PHKB: variants seen among roughly 807,000 people sequenced by gnomAD.
PHKB encodes phosphorylase kinase regulatory subunit beta, also known as phosphorylase b kinase regulatory subunit beta.
Under a neutral mutation model 152.1 loss-of-function variants are expected in PHKB, and 122 were observed. The ratio of observed to expected loss-of-function variants is 0.80; its 90% CI spans 0.69 to 0.93. PHKB has a LOEUF of 0.93. Ranked by LOEUF, PHKB falls within the 40% of genes least tolerant of loss-of-function variation. The pLI is 0.00. For missense variants in PHKB, 1,304 were observed against 1,328.4 expected (o/e 0.98, Z 0.29); for synonymous variants, 436 against 464.9 (o/e 0.94, Z 0.80).
At chr16:47,683,357 C>A (rs1190989858) in intron 26 of PHKB, among the ~76,000 whole-genome samples, 15 of 152,236 alleles carry the variant, frequency 9.9e-5, no homozygotes, top group Admixed American at 3.3e-4. Flanking sequence ...GCCTTGCCCC[C>A]AGAGGTGGAG....
Position 47,696,455 on chromosome 16 carries a change from T to C in PHKB, c.2970T>C (p.Ile990=). 6.2e-7 allele frequency: 1 copy of C among 1,604,816 alleles called. No individual in the cohort carries two copies. ...TTGTTGAAGACACGTTGGGAAATAT[T>C]GACCAGCCACAGTACAGACAGATCG... ...SLLVEDTLGN[I]DQPQYRQIVV... The change falls in exon 29 of 31, where the codon ATT becomes ATC. Residue 990 remains isoleucine, a synonymous_variant. Coordinates refer to ENST00000323584, the MANE Select transcript of PHKB (RefSeq NM_000293.3).
Position 47,641,219 on chromosome 16 carries a change from A to G in PHKB, c.1514+129A>G. The G allele has an allele frequency of 4.0e-6, 3 of 755,234 alleles. No homozygotes were observed. In the South Asian group the frequency reaches 4.4e-5, roughly 11 times the overall value. 46.8% of individuals were successfully genotyped at this position (755,234 alleles called of 1,614,324 possible). A position where few individuals can be genotyped will look rare whatever the true frequency, so the allele number is the denominator to read the frequency against. On this transcript the variant is annotated intron_variant, in intron 15 of 30. Coordinates refer to ENST00000323584, the MANE Select transcript of PHKB (RefSeq NM_000293.3). ...TCAGAAACTCCTTTACAGGCTTTCA[A>G]GGATATCATTAATATCACTTTAAAT...
chr16:47,625,378 A>G (rs1283327132), intron 14 of PHKB, among the ~76,000 whole-genome samples: 1 of 152,160 alleles, frequency 6.6e-6, no homozygotes, highest in African/African-American at 2.4e-5. Flanking sequence ...TTTTCATTCC[A>G]CTTAGATGAA....
chr16:47,577,317 ATCT>A (rs756309169), intron 7 of PHKB, among the ~76,000 whole-genome samples: 1 of 152,134 alleles, frequency 6.6e-6, no homozygotes, highest in Non-Finnish European at 1.5e-5. Flanking sequence ...TATAATAGTT[ATCT>A]TAAATATTTC....
At chr16:47,578,222 T>C (rs1971781847) in intron 7 of PHKB, among the ~76,000 whole-genome samples, 2 of 152,230 alleles carry the variant, frequency 1.3e-5, no homozygotes, top group East Asian at 1.9e-4. Context: ...GTTTCAAGCA[T>C]GTTCGTAATT....
rs1597191201 is a variant in PHKB at position 47,698,577 on chromosome 16, A to G, written c.3133A>G (p.Ile1045Val). ...AAAAGATCAGAGTCGGCTAAAGGAA[A>G]TTGAAAAACAAGTAAGTACACAGCT... ...FQKDQSRLKE[I>V]EKQDDMTSFY... is the part of the protein sequence containing the mutation. Residue 1045 changes from isoleucine (I) to valine (V), a missense_variant, in exon 30 of 31, where the codon ATT (isoleucine) becomes GTT (valine). Coordinates refer to ENST00000323584, the MANE Select transcript of PHKB (RefSeq NM_000293.3). 5 of 1,494,596 alleles carry G rather than the reference A, an allele frequency of 3.3e-6. No homozygotes were observed. In the East Asian group the frequency reaches 1.2e-4, roughly 36 times the overall value. The allele number at this position is 1,494,596 out of a possible 1,614,324, so 92.6% of individuals were successfully genotyped here. A position where few individuals can be genotyped will look rare whatever the true frequency, so the allele number is the denominator to read the frequency against.
chr16:47,661,573 A>G (rs1973444676), intron 22 of PHKB, 146 bp from the exon 23 acceptor site: 8 of 689,454 alleles, frequency 1.2e-5, no homozygotes, highest in African/African-American at 3.5e-5. Context: ...CTTATGCTTG[A>G]TATTATATCA....
chr16:47,642,981 G>T (rs1445164907), intron 16 of PHKB, among the ~76,000 whole-genome samples: 1 of 152,134 alleles, frequency 6.6e-6, no homozygotes, highest in Admixed American at 6.6e-5. Flanking sequence ...GCAGGCTGTC[G>T]GCTGCTAATA....
intron 25 of PHKB, among the ~76,000 whole-genome samples, chr16:47,668,739 G>A (rs1166917159): frequency 6.6e-6 from 1 of 152,138 alleles, no homozygotes; most frequent in East Asian, 1.9e-4. Flanking sequence ...GGAACTGGGT[G>A]GCCTCACACC....
intron 4 of PHKB, among the ~76,000 whole-genome samples, chr16:47,503,566 C>G (rs1970360171): frequency 6.6e-6 from 1 of 152,166 alleles, no homozygotes; most frequent in South Asian, 2.1e-4. Flanking sequence ...CGCAGTGGCT[C>G]ACGCCTGTAA....
chr16:47,573,449 C>T (rs1971696821), intron 7 of PHKB, among the ~76,000 whole-genome samples: 2 of 152,310 alleles, frequency 1.3e-5, no homozygotes, highest in Middle Eastern at 3.4e-3. Context: ...AGGAGCGGAA[C>T]TGCCTCTGTT....
chr16:47,660,511 A>T lies in PHKB; in HGVS notation c.1977A>T (p.Leu659=), dbSNP rs758601628. Residue 659 remains leucine, a synonymous_variant, in exon 21 of 31, where the codon CTA becomes CTT. Coordinates refer to ENST00000323584, the MANE Select transcript of PHKB (RefSeq NM_000293.3). ...CTTTTTCGATCACGTTTCAGACACT[A>T]ATATCTGGAGCTGTGGTAGAACAAC... The part of the protein sequence containing the change: ...VKVHVDRLQT[L]ISGAVVEQLD... 9 of 1,612,694 alleles carry T rather than the reference A, an allele frequency of 5.6e-6. No individual in the cohort carries two copies. In the East Asian group the frequency reaches 2.0e-4, roughly 36 times the overall value.
chr16:47,465,080 A>G (rs1969644768), intron 1 of PHKB, among the ~76,000 whole-genome samples: 1 of 152,248 alleles, frequency 6.6e-6, no homozygotes, highest in African/African-American at 2.4e-5. Flanking sequence ...AACTTAAGGA[A>G]GAATCAAACA....
intron 6 of PHKB, among the ~76,000 whole-genome samples, chr16:47,536,721 T>A (rs1970958751): frequency 6.6e-6 from 1 of 151,978 alleles, no homozygotes; most frequent in Admixed American, 6.6e-5. Context: ...GACAAATGAG[T>A]TAAGAAAAAA....
In PHKB at chr16:47,663,913, A is replaced by G. The variant is rs186849941; in HGVS notation, c.2336+179A>G. The G allele has an allele frequency of 3.2e-3, 2,001 of 632,780 alleles. 20 individuals are homozygous for G. Among genetic ancestry groups the G allele is most frequent in the Middle Eastern group, 0.017 (39 of 2,352 alleles). The allele number at this position is 632,780 out of a possible 1,614,324, so 39.2% of individuals were successfully genotyped here. A position where few individuals can be genotyped will look rare whatever the true frequency, so the allele number is the denominator to read the frequency against. ...GCATGTCTGTCCCCCCACTGCCTCC[A>G]CCAAAATTCTGAGAACAAAGACACT... On this transcript the variant is annotated intron_variant, in intron 24 of 30. Coordinates refer to ENST00000323584, the MANE Select transcript of PHKB (RefSeq NM_000293.3).
intron 20 of PHKB, among the ~76,000 whole-genome samples, chr16:47,653,285 T>A (rs1973272798): frequency 6.6e-6 from 1 of 152,164 alleles, no homozygotes; most frequent in Non-Finnish European, 1.5e-5. Flanking sequence ...AATCCTTGTA[T>A]CTCCTGCTCT....
intron 7 of PHKB, among the ~76,000 whole-genome samples, chr16:47,573,970 A>G (rs923335948): frequency 3.9e-5 from 6 of 151,954 alleles, no homozygotes; most frequent in African/African-American, 1.5e-4. Context: ...CCCAAGCTGG[A>G]TTGCAGTGGT....
intron 1 of PHKB, among the ~76,000 whole-genome samples, chr16:47,490,049 C>A (rs550840681): frequency 3.9e-5 from 6 of 152,120 alleles, no homozygotes; most frequent in African/African-American, 1.4e-4. Flanking sequence ...CACTGAAAAA[C>A]AAAACAAGGA....
chr16:47,538,007 C>A (rs1476605748), intron 6 of PHKB, among the ~76,000 whole-genome samples: 1 of 152,074 alleles, frequency 6.6e-6, no homozygotes, highest in Non-Finnish European at 1.5e-5. Context: ...ATCTTCCCAC[C>A]TCAGCCTCCC....
Sources: allele counts gnomAD v4.1 joint callset (sites outside exome capture counted in the v4.1 genomes callset), GRCh38; gene constraint gnomAD v4.1.1; transcripts MANE v1.5; gene names NCBI Gene and HGNC (gene_info 2026-07-23, HGNC 2026-07-21).